PPARD: variants seen among roughly 807,000 people sequenced by gnomAD.
PPARD encodes the protein peroxisome proliferator-activated receptor delta.
A neutral mutation model predicts 39.5 loss-of-function variants in PPARD; 6 were observed. The observed-to-expected ratio is 0.15, with a 90% CI of 0.08 to 0.30. The LOEUF (loss-of-function observed/expected upper bound fraction) is 0.30. Among genes scored for constraint, PPARD ranks in the 10% least tolerant of loss-of-function variants. PPARD has a pLI of 1.00. For missense variants in PPARD, 397 were observed against 596.8 expected, an observed-to-expected ratio of 0.67 and a Z score of 3.49; for synonymous variants, 210 against 231.3, an observed-to-expected ratio of 0.91 and a Z score of 0.83.
intron 4 of PPARD, among the ~76,000 whole-genome samples, chr6:35,420,858 G>A (rs1562224381): frequency 9.3e-6 from 1 of 107,898 alleles, no homozygotes; most frequent in Non-Finnish European, 1.7e-5. Flanking sequence ...ATGGAATCTC[G>A]ATCTGTCGCC....
chr6:35,402,748 T>C (rs1292455684), intron 2 of PPARD, among the ~76,000 whole-genome samples: 1 of 151,916 alleles, frequency 6.6e-6, no homozygotes, highest in East Asian at 1.9e-4. Context: ...GAGGGTGGGG[T>C]GACCTGGATT....
intron 2 of PPARD, among the ~76,000 whole-genome samples, chr6:35,372,208 C>T (rs1034679904): frequency 2.6e-5 from 4 of 152,204 alleles, no homozygotes; most frequent in Admixed American, 1.3e-4. Context: ...GACGGAGTCT[C>T]GCTCTGTTGC....
intron 1 of PPARD, among the ~76,000 whole-genome samples, chr6:35,345,193 C>G (rs1792098737): frequency 6.6e-6 from 1 of 152,204 alleles, no homozygotes; most frequent in Non-Finnish European, 1.5e-5. Flanking sequence ...TGCAGTTTGT[C>G]CACTCTCATT....
intron 2 of PPARD, among the ~76,000 whole-genome samples, chr6:35,356,345 G>T (rs1416010649): frequency 6.6e-6 from 1 of 152,190 alleles, no homozygotes; most frequent in African/African-American, 2.4e-5. Flanking sequence ...CTCTCCAAAT[G>T]GCAGCAGTAG....
intron 3 of PPARD, among the ~76,000 whole-genome samples, chr6:35,411,493 TG>T (rs1055030554): frequency 1.3e-5 from 2 of 152,076 alleles, no homozygotes; most frequent in African/African-American, 4.8e-5. Flanking sequence ...ATTAAATGAG[TG>T]GGCATCTGTA....
At chr6:35,421,984 G>A in intron 5 of PPARD, 26 bp downstream of exon 5, 2 of 1,580,086 alleles carry the variant, frequency 1.3e-6, no homozygotes, top group South Asian at 1.1e-5. Flanking sequence ...GGCAACTCAC[G>A]GGCTGCTGGC....
At chr6:35,353,231 G>A (rs1761367088) in intron 2 of PPARD, among the ~76,000 whole-genome samples, 1 of 152,214 alleles carries the variant, frequency 6.6e-6, no homozygotes, top group South Asian at 2.1e-4. Context: ...GGAGCAAGGA[G>A]TGGTGGTGTT....
intron 1 of PPARD, among the ~76,000 whole-genome samples, chr6:35,343,521 CAT>C (rs1791985750): frequency 6.6e-6 from 1 of 152,172 alleles, no homozygotes; most frequent in African/African-American, 2.4e-5. Context: ...CTGCAGTTGA[CAT>C]AACCATGGGG....
In PPARD at chr6:35,387,871, A is replaced by C. The variant is rs575283356; in HGVS notation, c.-101-23116A>C. 9.9e-5 allele frequency among the ~76,000 whole-genome samples: 15 copies of C among 151,286 alleles called. No homozygotes were observed. The South Asian group carries it at 2.3e-3, about 23-fold the overall frequency. On this transcript the variant is annotated intron_variant, in intron 2 of 7. Coordinates refer to ENST00000360694, the MANE Select transcript of PPARD (RefSeq NM_006238.5). ...CAAGTAGCTGGGATTACAGGCACCC[A>C]CCACCACGCCTGGCTCATTTTTGTA... is the stretch of plus-strand genomic sequence containing the variant.
intron 2 of PPARD, 95 bp from the exon 3 acceptor site, chr6:35,410,892 C>A: frequency 8.1e-7 from 1 of 1,241,874 alleles, no homozygotes; most frequent in South Asian, 3.8e-5. Flanking sequence ...GAAGAACCCC[C>A]TCCATGACAG....
chr6:35,419,614 T>C lies in PPARD; in HGVS notation c.131-513T>C, dbSNP rs1378976400. Among the ~76,000 whole-genome samples the C allele has an allele frequency of 2.0e-5, 3 of 152,312 alleles. No individual in the cohort carries two copies. The East Asian group carries it at 5.8e-4, about 29-fold the overall frequency. On this transcript the variant is annotated intron_variant, in intron 3 of 7. Transcript: ENST00000360694. Reference sequence around the variant, plus strand: ...AGCATCCCTGGAGTCTATGCAAGAATAGAACTTCCTGTGGGGGATGGTGGG... The same window carrying C: ...AGCATCCCTGGAGTCTATGCAAGAACAGAACTTCCTGTGGGGGATGGTGGG...
Position 35,426,793 on chromosome 6 carries a change from C to G in PPARD, c.*714C>G, listed in dbSNP as rs922551369. On this transcript the variant is annotated 3_prime_UTR_variant, in exon 8 of 8. Coordinates refer to ENST00000360694, the MANE Select transcript of PPARD (RefSeq NM_006238.5). ...GAGGCCACCCACTGACCCAACTGATCCTGCTCCAGCAGCACACCTCAGCCC... is the reference window on the plus strand; with the variant it reads ...GAGGCCACCCACTGACCCAACTGATGCTGCTCCAGCAGCACACCTCAGCCC... 1 of 152,772 alleles carries G rather than the reference C, an allele frequency of 6.5e-6. No individual in the cohort carries two copies. The highest frequency in any genetic ancestry group is 2.4e-5 in the African/African-American group (1 of 41,472). 9.5% of individuals were successfully genotyped at this position (152,772 alleles called of 1,614,324 possible). A position where few individuals can be genotyped will look rare whatever the true frequency, so the allele number is the denominator to read the frequency against.
chr6:35,387,651 T>G (rs1323460369), intron 2 of PPARD, among the ~76,000 whole-genome samples: 1 of 148,372 alleles, frequency 6.7e-6, no homozygotes, highest in Non-Finnish European at 1.5e-5. Flanking sequence ...ACCTAGTTGG[T>G]TTTTTTTTTG....
At chr6:35,409,304 A>C (rs1206228693) in intron 2 of PPARD, among the ~76,000 whole-genome samples, 1 of 152,040 alleles carries the variant, frequency 6.6e-6, no homozygotes, top group Non-Finnish European at 1.5e-5. Context: ...CAGGAGTCCA[A>C]AACCAGCCGG....
chr6:35,421,595 C>G (rs1436945451), intron 4 of PPARD, among the ~76,000 whole-genome samples: 2 of 152,098 alleles, frequency 1.3e-5, no homozygotes, highest in Admixed American at 6.5e-5. Flanking sequence ...CCACCTCGGC[C>G]TCTCAAAGTG....
chr6:35,411,565 A>G (rs1562216586), intron 3 of PPARD, among the ~76,000 whole-genome samples: 2 of 152,210 alleles, frequency 1.3e-5, no homozygotes, highest in East Asian at 1.9e-4. Context: ...TCTGAGACCA[A>G]TCTCCACTAA....
chr6:35,342,848 C>CCCGCTCCGGT (rs1340584403), intron 1 of PPARD, among the ~76,000 whole-genome samples, 167 bp downstream of exon 1: 1 of 152,210 alleles, frequency 6.6e-6, no homozygotes, highest in Non-Finnish European at 1.5e-5. Flanking sequence ...GATGCTCCGG[C>CCCGCTCCGGT]CCGCTCCGGT....
At position 35,357,279 on chromosome 6, in the gene PPARD, T is replaced by C. The variant is rs113775775; in HGVS notation, c.-102+10129T>C. The stretch of plus-strand genomic sequence containing the variant: ...AAGCTGCACTCATGAGAGGCGGCAC[T>C]TCTGCCATCCTGATCTAGAGCTTGT... On this transcript the variant is annotated intron_variant, in intron 2 of 7. Coordinates refer to ENST00000360694, the MANE Select transcript of PPARD (RefSeq NM_006238.5). Among the ~76,000 whole-genome samples the C allele has an allele frequency of 8.8e-3, 1,348 of 152,338 alleles. 13 individuals carry two copies. The highest frequency in any genetic ancestry group is 0.013 in the Non-Finnish European group (867 of 68,022).
At chr6:35,361,032 G>GA (rs1007426843) in intron 2 of PPARD, among the ~76,000 whole-genome samples, 4 of 152,190 alleles carry the variant, frequency 2.6e-5, no homozygotes, top group Non-Finnish European at 5.9e-5. Flanking sequence ...GCGAGACAGA[G>GA]AAACAGCCAC....
Sources: gnomAD v4.1 joint callset for allele counts (sites outside exome capture counted in the v4.1 genomes callset) on GRCh38, gnomAD v4.1.1 for gene constraint, MANE v1.5 for transcripts, NCBI Gene and HGNC (gene_info 2026-07-23, HGNC 2026-07-21) for gene names.